The following ARB2A variants were observed in gnomAD, a reference collection of about 807,000 sequenced individuals.
The protein encoded by ARB2A is ARB2 cotranscriptional regulator A.
chr5:93,894,485 A>T, the ARB2A span, among the ~76,000 whole-genome samples: 1 of 152,058 alleles, frequency 6.6e-6, no homozygotes, highest in African/African-American at 2.4e-5. Context: ...GCTTCTCTGT[A>T]CACAGTGAAA....
chr5:93,973,910 A>G, the ARB2A span, among the ~76,000 whole-genome samples: 1 of 152,234 alleles, frequency 6.6e-6, no homozygotes, highest in Non-Finnish European at 1.5e-5. Flanking sequence ...GTATCTGAAC[A>G]TGGAAATGAA....
At chr5:93,776,205 G>A in the ARB2A span, 21 of 1,611,964 alleles carry the variant, frequency 1.3e-5, no homozygotes, top group Non-Finnish European at 1.7e-5. Context: ...CCACTGATGT[G>A]TCTAATGGTT....
At chr5:93,622,490 C>A in the ARB2A span, among the ~76,000 whole-genome samples, 1 of 152,170 alleles carries the variant, frequency 6.6e-6, no homozygotes, top group Non-Finnish European at 1.5e-5. Flanking sequence ...CTAGGAGTTA[C>A]AACAATAAGG....
At chr5:93,656,529 T>C in the ARB2A span, among the ~76,000 whole-genome samples, 1 of 152,202 alleles carries the variant, frequency 6.6e-6, no homozygotes, top group South Asian at 2.1e-4. Flanking sequence ...AAAAGCTCTA[T>C]CTCTATTCCA....
At chr5:94,005,053 A>C in the ARB2A span, among the ~76,000 whole-genome samples, 1 of 72 alleles carries the variant, frequency 0.014, no homozygotes, top group East Asian at 0.25. Context: ...ATGCAAAACA[A>C]AAAAAAAAAA....
At chr5:93,782,281 T>C in the ARB2A span, among the ~76,000 whole-genome samples, 1 of 152,178 alleles carries the variant, frequency 6.6e-6, no homozygotes, top group Non-Finnish European at 1.5e-5. Flanking sequence ...AGAGCTTTCA[T>C]CCTTGATTAT....
chr5:93,939,951 A>G, the ARB2A span, among the ~76,000 whole-genome samples: 2 of 151,494 alleles, frequency 1.3e-5, no homozygotes, highest in African/African-American at 4.9e-5. Flanking sequence ...TTGAAACTGT[A>G]TCCGTTTTTT....
the ARB2A span, among the ~76,000 whole-genome samples, chr5:93,927,849 G>GA: frequency 6.6e-6 from 1 of 151,592 alleles, no homozygotes; most frequent in South Asian, 2.1e-4. Flanking sequence ...GAAAAGGGAA[G>GA]AAAAAAAGAA....
the ARB2A span, among the ~76,000 whole-genome samples, chr5:93,938,156 C>T: frequency 6.6e-6 from 1 of 152,062 alleles, no homozygotes; most frequent in Admixed American, 6.5e-5. Context: ...TTTTCTCTCA[C>T]CTAAGAAAAT....
At chr5:93,870,703 T>C in the ARB2A span, among the ~76,000 whole-genome samples, 1 of 152,196 alleles carries the variant, frequency 6.6e-6, no homozygotes. Flanking sequence ...ACTATACTAG[T>C]AGTCATAGTC....
At chr5:93,652,127 T>C in the ARB2A span, among the ~76,000 whole-genome samples, 1 of 152,136 alleles carries the variant, frequency 6.6e-6, no homozygotes, top group East Asian at 1.9e-4. Flanking sequence ...GTCACTTCAA[T>C]TAAAACTAAA....
At chr5:94,019,878 C>G in the ARB2A span, among the ~76,000 whole-genome samples, 1 of 152,332 alleles carries the variant, frequency 6.6e-6, no homozygotes, top group African/African-American at 2.4e-5. Flanking sequence ...CAGTATTGTT[C>G]TCTTTTTCTG....
the ARB2A span, among the ~76,000 whole-genome samples, chr5:94,031,683 C>G: frequency 6.6e-6 from 1 of 152,196 alleles, no homozygotes; most frequent in Non-Finnish European, 1.5e-5. Context: ...CAGGTACTAA[C>G]CATCAAAGCA....
the ARB2A span, among the ~76,000 whole-genome samples, chr5:93,952,378 T>C: frequency 6.6e-6 from 1 of 152,204 alleles, no homozygotes; most frequent in South Asian, 2.1e-4. Flanking sequence ...AGCTTTTGTT[T>C]GTCTGGGAAA....
chr5:94,035,849 C>A, the ARB2A span, among the ~76,000 whole-genome samples: 1 of 151,752 alleles, frequency 6.6e-6, no homozygotes, highest in African/African-American at 2.4e-5. Flanking sequence ...CAAACCAGGG[C>A]CTGTCGGGGG....
the ARB2A span, among the ~76,000 whole-genome samples, chr5:93,844,226 TTGAACTCAGGAGTTCAAGACCAGCC>T: frequency 6.6e-6 from 1 of 152,052 alleles, no homozygotes; most frequent in Non-Finnish European, 1.5e-5. Flanking sequence ...AGTGGACTGC[TTGAACTCAGGAGTTCAAGACCAGCC>T]TGGCCAACAT....
the ARB2A span, among the ~76,000 whole-genome samples, chr5:94,096,327 G>C: frequency 6.6e-6 from 1 of 152,168 alleles, no homozygotes; most frequent in Non-Finnish European, 1.5e-5. Flanking sequence ...GTAGAGGAAA[G>C]GGGTATCACT....
chr5:93,714,597 T>G, the ARB2A span, among the ~76,000 whole-genome samples: 1 of 152,330 alleles, frequency 6.6e-6, no homozygotes, highest in South Asian at 2.1e-4. Context: ...CCCCTCATTT[T>G]AAGTTAATTC....
At chr5:93,949,559 TAATAAA>T in the ARB2A span, among the ~76,000 whole-genome samples, 1 of 151,744 alleles carries the variant, frequency 6.6e-6, no homozygotes, top group Non-Finnish European at 1.5e-5. Flanking sequence ...GAGTCTCTAA[TAATAAA>T]AATAATAATA....
Sources: gnomAD v4.1 joint callset for allele counts (sites outside exome capture counted in the v4.1 genomes callset) on GRCh38, gnomAD v4.1.1 for gene constraint, MANE v1.5 for transcripts, NCBI Gene and HGNC (gene_info 2026-07-23, HGNC 2026-07-21) for gene names.